SLC24A2: variants seen among roughly 807,000 people sequenced by gnomAD.
The protein encoded by SLC24A2 is sodium/potassium/calcium exchanger 2.
In SLC24A2, 36 loss-of-function variants were observed where a neutral mutation model predicts 62.0. The ratio of observed to expected loss-of-function variants is 0.58; its 90% CI spans 0.44 to 0.77. SLC24A2 has a LOEUF of 0.77. Ranked by LOEUF, SLC24A2 falls within the 30% of genes least tolerant of loss-of-function variation. The probability of loss-of-function intolerance (pLI) is 0.00; values close to 1 mark genes in which losing one functional copy is unlikely to be tolerated. For synonymous variants in SLC24A2, 358 were observed against 294.0 expected (o/e 1.22, Z -2.23); for missense variants, 846 against 817.9 (o/e 1.03, Z -0.42).
chr9:19,792,080 A>G (rs1211510675), upstream of SLC24A2, among the ~76,000 whole-genome samples: 1 of 152,184 alleles, frequency 6.6e-6, no homozygotes, highest in Non-Finnish European at 1.5e-5. Flanking sequence ...AAAACTGCCA[A>G]AGGGGTGCTA....
rs544511165 is a variant in SLC24A2 at position 19,674,299 on chromosome 9, ATTCT to A, written c.931-52004_931-52001del. 9.7e-4 allele frequency among the ~76,000 whole-genome samples: 148 copies of A among 152,216 alleles called. 1 individual carries two copies. Among genetic ancestry groups the A allele is most frequent in the African/African-American group, 3.4e-3 (142 of 41,548 alleles). On this transcript the variant is annotated intron_variant, in intron 2 of 10. Transcript: ENST00000341998. The stretch of plus-strand genomic sequence containing the variant: ...GTGCTTTCACCTCACAGCTCTTAAG[ATTCT>A]TTCTTAAGTTTTGACTTTAGATAAC...
intron 2 of SLC24A2, among the ~76,000 whole-genome samples, chr9:19,696,052 T>C (rs1820182677): frequency 6.6e-6 from 1 of 152,128 alleles, no homozygotes; most frequent in Non-Finnish European, 1.5e-5. Flanking sequence ...TGAGTGAGCA[T>C]TACTGCCTGA....
the SLC24A2 span, among the ~76,000 whole-genome samples, chr9:20,062,936 A>G: frequency 8.0e-3 from 919 of 115,236 alleles, 32 homozygotes; most frequent in African/African-American, 0.034. Flanking sequence ...TCAAAACCAC[A>G]ATGAGATACC....
the SLC24A2 span, among the ~76,000 whole-genome samples, chr9:20,266,740 C>G: frequency 6.6e-6 from 1 of 152,244 alleles, no homozygotes. Flanking sequence ...TGGAGATTCA[C>G]GGTGCACTTT....
At chr9:19,719,895 C>T (rs574789966) in intron 2 of SLC24A2, among the ~76,000 whole-genome samples, 1 of 152,140 alleles carries the variant, frequency 6.6e-6, no homozygotes, top group Non-Finnish European at 1.5e-5. Context: ...TATATACATA[C>T]ATTGTTATGT....
At chr9:19,738,802 T>A (rs937236389) in intron 2 of SLC24A2, among the ~76,000 whole-genome samples, 9 of 152,104 alleles carry the variant, frequency 5.9e-5, no homozygotes, top group African/African-American at 2.2e-4. Flanking sequence ...AATTAAAAAA[T>A]ATTTTATTTA....
the SLC24A2 span, among the ~76,000 whole-genome samples, chr9:20,273,708 G>C: frequency 6.6e-6 from 1 of 152,084 alleles, no homozygotes; most frequent in African/African-American, 2.4e-5. Context: ...TTTGTAAATT[G>C]CCCAGTCTCA....
chr9:19,893,100 A>T, the SLC24A2 span, among the ~76,000 whole-genome samples: 2 of 152,182 alleles, frequency 1.3e-5, no homozygotes, highest in Non-Finnish European at 2.9e-5. Flanking sequence ...TTTTGCTCCC[A>T]TTTTGGTCCA....
chr9:20,097,213 C>A, the SLC24A2 span, among the ~76,000 whole-genome samples: 8 of 152,156 alleles, frequency 5.3e-5, no homozygotes, highest in African/African-American at 1.9e-4. Context: ...TGGCCTCTAT[C>A]TCTGTAGATA....
At chr9:20,049,360 A>G in the SLC24A2 span, among the ~76,000 whole-genome samples, 10 of 152,312 alleles carry the variant, frequency 6.6e-5, no homozygotes, top group South Asian at 1.0e-3. Context: ...CGTGACTCCA[A>G]TGAACTTTTT....
At chr9:19,954,716 C>A in the SLC24A2 span, among the ~76,000 whole-genome samples, 2 of 152,060 alleles carry the variant, frequency 1.3e-5, no homozygotes, top group Non-Finnish European at 2.9e-5. Context: ...ATTTTTCACA[C>A]AATGCCTAAC....
At chr9:19,985,875 T>C in the SLC24A2 span, among the ~76,000 whole-genome samples, 75 of 152,264 alleles carry the variant, frequency 4.9e-4, 2 homozygotes, top group South Asian at 0.011. Flanking sequence ...CAACAGATTG[T>C]TGAATTTAAC....
the SLC24A2 span, among the ~76,000 whole-genome samples, chr9:19,924,146 T>A: frequency 6.6e-5 from 10 of 152,328 alleles, no homozygotes; most frequent in African/African-American, 1.9e-4. Flanking sequence ...ACAATTTCTT[T>A]AAGGAACATG....
At chr9:19,710,512 A>G (rs1820682975) in intron 2 of SLC24A2, among the ~76,000 whole-genome samples, 1 of 152,218 alleles carries the variant, frequency 6.6e-6, no homozygotes, top group Admixed American at 6.5e-5. Flanking sequence ...AGTTCCAGAC[A>G]GTGGGAATAA....
chr9:19,794,196 T>C, the SLC24A2 span, among the ~76,000 whole-genome samples: 1 of 152,240 alleles, frequency 6.6e-6, no homozygotes, highest in Non-Finnish European at 1.5e-5. Flanking sequence ...AAGTGATGAA[T>C]GCCTATTATT....
the SLC24A2 span, among the ~76,000 whole-genome samples, chr9:19,974,106 G>A: frequency 6.6e-6 from 1 of 152,118 alleles, no homozygotes; most frequent in Admixed American, 6.6e-5. Context: ...TATATGATAA[G>A]CACTGAATAA....
the SLC24A2 span, among the ~76,000 whole-genome samples, chr9:19,851,600 T>C: frequency 0.058 from 8,806 of 152,158 alleles, 355 homozygotes; most frequent in African/African-American, 0.1. Context: ...GTTCCTGCAT[T>C]AGTTTGCTGA....
At chr9:19,638,337 T>C (rs1488639329) in intron 2 of SLC24A2, among the ~76,000 whole-genome samples, 1 of 152,210 alleles carries the variant, frequency 6.6e-6, no homozygotes, top group Non-Finnish European at 1.5e-5. Context: ...TTGACTAGTT[T>C]TACAGGAAAT....
chr9:20,282,976 G>T, the SLC24A2 span, among the ~76,000 whole-genome samples: 2 of 152,096 alleles, frequency 1.3e-5, no homozygotes, highest in Admixed American at 6.6e-5. Context: ...CTGAGTCAAA[G>T]GGATAGAAAC....
Sources: allele counts gnomAD v4.1 joint callset (sites outside exome capture counted in the v4.1 genomes callset), GRCh38; gene constraint gnomAD v4.1.1; transcripts MANE v1.5; gene names NCBI Gene and HGNC (gene_info 2026-07-23, HGNC 2026-07-21).